Variants in MERTK observed in about 807,000 individuals in gnomAD.
MERTK encodes MER proto-oncogene, tyrosine kinase.
In MERTK, 69 loss-of-function variants were observed where a neutral mutation model predicts 99.3. That is an observed-to-expected ratio of 0.70 (90% confidence interval 0.57 to 0.85). The LOEUF is 0.85. Ranked by LOEUF, MERTK falls within the 40% of genes least tolerant of loss-of-function variation. The pLI, the probability that MERTK is intolerant of heterozygous loss-of-function variation, is 0.00. For missense variants in MERTK, 1,125 were observed against 1,249.4 expected, an observed-to-expected ratio of 0.90 and a Z score of 1.50; for synonymous variants, 426 against 467.6, an observed-to-expected ratio of 0.91 and a Z score of 1.15.
Position 111,929,321 on chromosome 2 carries a change from C to T in MERTK, c.263C>T (p.Ser88Leu), listed in dbSNP as rs372527246. 55 of 1,614,190 alleles carry T rather than the reference C, an allele frequency of 3.4e-5. No individual in the cohort carries two copies. In the Middle Eastern group the frequency reaches 4.9e-4, roughly 15 times the overall value. ...ATTCCCCAGGTGACCTCTGTCGAATCAAAGCCCCTACCGCCTCTTGCCTTC... is the reference window on the plus strand; with the variant it reads ...ATTCCCCAGGTGACCTCTGTCGAATTAAAGCCCCTACCGCCTCTTGCCTTC... ...VAIPQVTSVESKPLPPLAFKH... is the reference protein window; with the variant it reads ...VAIPQVTSVELKPLPPLAFKH... The change falls in exon 2 of 19, where the codon TCA (serine) becomes TTA (leucine). Residue 88 changes from serine (S) to leucine (L), a missense_variant. Ser to Leu is a moderately radical substitution (Grantham distance 145). Transcript: ENST00000295408.
chr2:111,908,875 C>T (rs1466440730), intron 1 of MERTK, among the ~76,000 whole-genome samples: 6 of 152,138 alleles, frequency 3.9e-5, no homozygotes, highest in Admixed American at 2.6e-4. Context: ...AGTCTCATAC[C>T]AGCTGAGTCT....
At chr2:112,012,975 C>T (rs980659470) in intron 15 of MERTK, among the ~76,000 whole-genome samples, 4 of 152,138 alleles carry the variant, frequency 2.6e-5, no homozygotes, top group East Asian at 3.8e-4. Flanking sequence ...TTCCAGCTGA[C>T]GTTGTTGGTA....
Position 112,022,404 on chromosome 2 carries a change from C to T in MERTK, c.2486+10C>T. The T allele has an allele frequency of 6.2e-7, 1 of 1,614,224 alleles. No homozygotes were observed. The highest frequency in any genetic ancestry group is 8.5e-7 in the Non-Finnish European group (1 of 1,180,042). ...ACTGCCTGGATGAACTGTGAGTGGGCTTCTCTGTCTCCCTTCCATACTCTG... is the reference window on the plus strand; with the variant it reads ...ACTGCCTGGATGAACTGTGAGTGGGTTTCTCTGTCTCCCTTCCATACTCTG... On this transcript the variant is annotated intron_variant, in intron 18 of 18. Transcript: ENST00000295408.
chr2:111,960,386 C>T (rs1016269057), intron 4 of MERTK, among the ~76,000 whole-genome samples: 7 of 148,014 alleles, frequency 4.7e-5, no homozygotes, highest in African/African-American at 1.7e-4. Flanking sequence ...GAGACTGAGG[C>T]AGGAGAATCG....
chr2:112,011,013 T>C (rs754565117), intron 15 of MERTK, among the ~76,000 whole-genome samples: 42 of 152,072 alleles, frequency 2.8e-4, no homozygotes, highest in Non-Finnish European at 5.6e-4. Flanking sequence ...TAATCACAGC[T>C]GTAAGAAACC....
intron 4 of MERTK, among the ~76,000 whole-genome samples, chr2:111,951,986 A>T (rs1464157466): frequency 1.3e-5 from 2 of 152,186 alleles, no homozygotes; most frequent in East Asian, 3.8e-4. Flanking sequence ...CAAAATTAGA[A>T]GTGTGTTTTT....
chr2:111,964,428 T>A (rs147531206), intron 4 of MERTK, among the ~76,000 whole-genome samples: 1 of 152,070 alleles, frequency 6.6e-6, no homozygotes, highest in East Asian at 1.9e-4. Context: ...TGTGTGTGTG[T>A]ACGTTGTGTG....
At chr2:111,946,891 C>G (rs1684969916) in intron 3 of MERTK, among the ~76,000 whole-genome samples, 1 of 152,174 alleles carries the variant, frequency 6.6e-6, no homozygotes, top group Non-Finnish European at 1.5e-5. Flanking sequence ...AGTAGACTGG[C>G]AGGAATTAGC....
chr2:111,975,579 G>T, intron 7 of MERTK, 107 bp downstream of exon 7: 1 of 1,207,264 alleles, frequency 8.3e-7, no homozygotes. Flanking sequence ...TTTGGACTTT[G>T]TCTCTGGAGG....
chr2:112,005,226 C>G (rs1676957550), intron 13 of MERTK, among the ~76,000 whole-genome samples: 1 of 152,084 alleles, frequency 6.6e-6, no homozygotes, highest in Non-Finnish European at 1.5e-5. Context: ...CACCAACACG[C>G]CTGGCTAAAT....
intron 2 of MERTK, among the ~76,000 whole-genome samples, chr2:111,932,669 A>G (rs1410594289): frequency 6.6e-6 from 1 of 152,240 alleles, no homozygotes; most frequent in Non-Finnish European, 1.5e-5. Context: ...ACAGTTAAAG[A>G]TGGGTTTATT....
At chr2:111,976,019 T>G (rs901077195) in intron 7 of MERTK, among the ~76,000 whole-genome samples, 14 of 152,220 alleles carry the variant, frequency 9.2e-5, no homozygotes, top group Non-Finnish European at 1.9e-4. Flanking sequence ...ACTAAGTGTT[T>G]CCCATGACCT....
At chr2:111,928,213 C>G (rs1362868991) in intron 1 of MERTK, among the ~76,000 whole-genome samples, 4 of 139,754 alleles carry the variant, frequency 2.9e-5, no homozygotes, top group African/African-American at 5.3e-5. Context: ...TGGCCATGAG[C>G]AGCTTTTTTT....
chr2:111,939,458 G>A (rs903745920), intron 2 of MERTK, among the ~76,000 whole-genome samples: 3 of 151,830 alleles, frequency 2.0e-5, no homozygotes, highest in African/African-American at 4.8e-5. Context: ...TCAAGCCATA[G>A]CACTTAAGGA....
At chr2:111,999,775 G>GT (rs371277439) in intron 10 of MERTK, among the ~76,000 whole-genome samples, 66 of 152,260 alleles carry the variant, frequency 4.3e-4, no homozygotes, top group African/African-American at 1.6e-3. Context: ...AATCACCCGG[G>GT]TGCAGGTGGG....
At chr2:111,943,791 G>A (rs1684906548) in intron 2 of MERTK, among the ~76,000 whole-genome samples, 1 of 152,150 alleles carries the variant, frequency 6.6e-6, no homozygotes, top group African/African-American at 2.4e-5. Context: ...GGTAAATTAG[G>A]TGAATATTGA....
intron 7 of MERTK, among the ~76,000 whole-genome samples, chr2:111,982,450 A>T (rs1315535334): frequency 6.6e-6 from 1 of 151,882 alleles, no homozygotes; most frequent in Non-Finnish European, 1.5e-5. Flanking sequence ...TGGTATGATC[A>T]TGTCTCACTG....
At position 112,021,561 on chromosome 2, in the gene MERTK, T is replaced by C; in HGVS notation, c.2329T>C (p.Tyr777His). Reference protein sequence around the residue: ...IAIESLADRVYTSKSDVWAFG... With the variant: ...IAIESLADRVHTSKSDVWAFG... ...CATAGAAAGTCTTGCAGACCGAGTC[T>C]ACACAAGTAAAAGTGATGTGGTATG... The change falls in exon 17 of 19, where the codon TAC becomes CAC. Residue 777 changes from tyrosine to histidine, a missense_variant. Physicochemically the swap from Tyr to His is moderately conservative, Grantham distance 83. Coordinates refer to ENST00000295408, the MANE Select transcript of MERTK (RefSeq NM_006343.3). 6.2e-7 allele frequency: 1 copy of C among 1,613,654 alleles called. No individual in the cohort carries two copies. Among genetic ancestry groups the C allele is most frequent in the Non-Finnish European group, 8.5e-7 (1 of 1,179,704 alleles).
At chr2:111,908,584 G>A (rs1471641770) in intron 1 of MERTK, among the ~76,000 whole-genome samples, 2 of 152,148 alleles carry the variant, frequency 1.3e-5, no homozygotes, top group African/African-American at 2.4e-5. Context: ...ACTCTATAGT[G>A]TTGTTTTGCA....
Sources: gnomAD v4.1 joint callset for allele counts (sites outside exome capture counted in the v4.1 genomes callset) on GRCh38, gnomAD v4.1.1 for gene constraint, MANE v1.5 for transcripts, NCBI Gene and HGNC (gene_info 2026-07-23, HGNC 2026-07-21) for gene names.